The following CTLA4 variants were observed in gnomAD, a reference collection of about 807,000 sequenced individuals.
CTLA4 encodes the protein cytotoxic T-lymphocyte protein 4.
A neutral mutation model predicts 20.4 loss-of-function variants in CTLA4; 3 were observed. That is an observed-to-expected ratio of 0.15 (90% CI 0.07 to 0.38). The LOEUF is 0.38. Ranked by LOEUF, CTLA4 falls within the 10% of genes least tolerant of loss-of-function variation. The probability of loss-of-function intolerance (pLI) is 1.00; values close to 1 mark genes in which losing one functional copy is unlikely to be tolerated. For missense variants in CTLA4, 184 were observed against 276.8 expected (o/e 0.66, Z 2.38); for synonymous variants, 100 against 105.2 (o/e 0.95, Z 0.30).
chr2:203,869,991 C>T (rs1688698994), intron 1 of CTLA4, among the ~76,000 whole-genome samples: 1 of 152,116 alleles, frequency 6.6e-6, no homozygotes, highest in Admixed American at 6.5e-5. Flanking sequence ...TACAACAATG[C>T]CAGGGAAGGC....
In CTLA4 at chr2:203,870,896, C is replaced by T. The variant is rs1357409506; in HGVS notation, c.420C>T (p.Tyr140=). The T allele has an allele frequency of 3.7e-6, 6 of 1,614,030 alleles. No homozygotes were observed. Among genetic ancestry groups the T allele is most frequent in the Non-Finnish European group, 5.1e-6 (6 of 1,179,994 alleles). Residue 140 remains tyrosine, a synonymous_variant, in exon 2 of 4, where the codon TAC becomes TAT. Transcript: ENST00000648405. The surrounding 1 kb of genome is among the most constrained non-coding windows in gnomAD (Gnocchi z 5.3). ...AGCTCATGTACCCACCGCCATACTA[C>T]CTGGGCATAGGCAACGGAACCCAGA... ...KVELMYPPPY[Y]LGIGNGTQIY... is the part of the protein sequence containing the mutation.
chr2:203,870,772 A>G lies in CTLA4; in HGVS notation c.296A>G (p.Asp99Gly). The change falls in exon 2 of 4, where the codon GAT becomes GGT. Residue 99 changes from aspartate (D) to glycine (G), a missense_variant. Coordinates refer to ENST00000648405, the MANE Select transcript of CTLA4 (RefSeq NM_005214.5). The surrounding 1 kb of genome is among the most constrained non-coding windows in gnomAD (Gnocchi z 5.3). ...YMMGNELTFL[D>G]DSICTGTSSG... is the part of the protein sequence containing the mutation. ...ATGGGGAATGAGTTGACCTTCCTAG[A>G]TGATTCCATCTGCACGGGCACCTCC... The G allele has an allele frequency of 1.2e-6, 2 of 1,614,188 alleles. No homozygotes were observed. Among genetic ancestry groups the G allele is most frequent in the Non-Finnish European group, 1.7e-6 (2 of 1,180,034 alleles).
At position 203,870,957 on chromosome 2, in the gene CTLA4, T is replaced by C. The variant is rs41265959; in HGVS notation, c.457+24T>C. The C allele has an allele frequency of 8.0e-4, 1,263 of 1,574,164 alleles. 2 individuals are homozygous for C. Among genetic ancestry groups the C allele is most frequent in the Non-Finnish European group, 1.1e-3 (1,220 of 1,147,532 alleles). On this transcript the variant is annotated intron_variant, in intron 2 of 3. Coordinates refer to ENST00000648405, the MANE Select transcript of CTLA4 (RefSeq NM_005214.5). The surrounding 1 kb of genome is among the most constrained non-coding windows in gnomAD (Gnocchi z 5.3). ...TGGTGAGCAAAGCCATTTCACTGAG[T>C]TGACACCTGTTGCATTGCAGTCTTC...
rs1688660153 is a variant in CTLA4, at chr2:203,868,021, T to C, written c.79T>C (p.Phe27Leu). ...TRTWPCTLLF[F>L]LLFIPVFCKA... ...GACCTGGCCCTGCACTCTCCTGTTTTTTCTTCTCTTCATCCCTGTCTTCTG... is the reference window on the plus strand; with the variant it reads ...GACCTGGCCCTGCACTCTCCTGTTTCTTCTTCTCTTCATCCCTGTCTTCTG... The change falls in exon 1 of 4, where the codon TTT becomes CTT. Residue 27 changes from phenylalanine (F) to leucine (L), a missense_variant. By Grantham distance (22) the Phe-to-Leu change is conservative. Around this residue, in one of 3 missense-constraint regions of CTLA4, gnomAD observed 35 missense variants for 36.6 expected, o/e 0.96. Coordinates refer to ENST00000648405, the MANE Select transcript of CTLA4 (RefSeq NM_005214.5). 6 of 1,614,038 alleles carry C rather than the reference T, an allele frequency of 3.7e-6. No individual in the cohort carries two copies. Among genetic ancestry groups the C allele is most frequent in the Non-Finnish European group, 5.1e-6 (6 of 1,179,872 alleles).
chr2:203,873,186 C>T lies in CTLA4; in HGVS notation c.*374C>T, dbSNP rs898797367. The T allele has an allele frequency of 6.9e-5, 28 of 402,988 alleles. No homozygotes were observed. The highest frequency in any genetic ancestry group is 6.3e-4 in the Middle Eastern group (1 of 1,598). 25.0% of individuals were successfully genotyped at this position (402,988 alleles called of 1,614,324 possible). A position where few individuals can be genotyped will look rare whatever the true frequency, so the allele number is the denominator to read the frequency against. Reference sequence around the variant, plus strand: ...ACACACCTTATATTTACGTATGAGACGTTTATAGCCGAAATGATCTTTTCA... The same window carrying T: ...ACACACCTTATATTTACGTATGAGATGTTTATAGCCGAAATGATCTTTTCA... On this transcript the variant is annotated 3_prime_UTR_variant, in exon 4 of 4. Coordinates refer to ENST00000648405, the MANE Select transcript of CTLA4 (RefSeq NM_005214.5).
chr2:203,867,895 A>G lies in CTLA4; in HGVS notation c.-48A>G. The G allele has an allele frequency of 1.5e-6, 2 of 1,376,998 alleles. No homozygotes were observed. Among genetic ancestry groups the G allele is most frequent in the South Asian group, 1.2e-5 (1 of 85,380 alleles). 85.3% of individuals were successfully genotyped at this position (1,376,998 alleles called of 1,614,324 possible). ...CATTTCAAAGCTTCAGGATCCTGAA[A>G]GGTTTTGCTCTACTTCCTGAAGACC... On this transcript the variant is annotated 5_prime_UTR_variant, in exon 1 of 4. Transcript: ENST00000648405.
At position 203,867,832 on chromosome 2, in the gene CTLA4, A is replaced by C. The variant is rs1381878268; in HGVS notation, c.-111A>C. The C allele has an allele frequency of 3.0e-6, 2 of 672,308 alleles. No individual in the cohort carries two copies. The highest frequency in any genetic ancestry group is 2.6e-6 in the Non-Finnish European group (1 of 385,124). The allele number at this position is 672,308 out of a possible 1,614,324, so 41.6% of individuals were successfully genotyped here. On this transcript the variant is annotated 5_prime_UTR_variant, in exon 1 of 4. Coordinates refer to ENST00000648405, the MANE Select transcript of CTLA4 (RefSeq NM_005214.5). The stretch of plus-strand genomic sequence containing the variant: ...GTAATACATATCTGGGATCAAAGCT[A>C]TCTATATAAAGTCCTTGATTCTGTG...
chr2:203,870,779 C>T lies in CTLA4; in HGVS notation c.303C>T (p.Ser101=). Residue 101 remains serine, a synonymous_variant, in exon 2 of 4, where the codon TCC becomes TCT. Coordinates refer to ENST00000648405, the MANE Select transcript of CTLA4 (RefSeq NM_005214.5). This position sits in a 1 kb window ranked among gnomAD's most constrained non-coding sequence, Gnocchi z 5.3. Reference sequence around the variant, plus strand: ...ATGAGTTGACCTTCCTAGATGATTCCATCTGCACGGGCACCTCCAGTGGAA... The same window carrying T: ...ATGAGTTGACCTTCCTAGATGATTCTATCTGCACGGGCACCTCCAGTGGAA... ...MGNELTFLDD[S]ICTGTSSGNQ... 6.2e-7 allele frequency: 1 copy of T among 1,614,138 alleles called. No individual in the cohort carries two copies. The highest frequency in any genetic ancestry group is 8.5e-7 in the Non-Finnish European group (1 of 1,180,036).
At chr2:203,871,325 G>T (rs1201862502) in intron 2 of CTLA4, 53 bp from the exon 3 acceptor site, 1 of 1,468,932 alleles carries the variant, frequency 6.8e-7, no homozygotes, top group East Asian at 2.3e-5. Context: ...GGGGAGTAGA[G>T]CCCTAGAGTT....
chr2:203,871,701 A>G (rs1688737051), intron 3 of CTLA4, among the ~76,000 whole-genome samples: 1 of 152,208 alleles, frequency 6.6e-6, no homozygotes, highest in South Asian at 2.1e-4. Context: ...TTGACATTGA[A>G]TGTTCATGTG....
chr2:203,870,660 T>C lies in CTLA4; in HGVS notation c.184T>C (p.Ser62Pro). Residue 62 changes from serine to proline, a missense_variant, in exon 2 of 4, where the codon TCT becomes CCT. Around this residue, in one of 3 missense-constraint regions of CTLA4, gnomAD observed 147 missense variants for 223.4 expected, o/e 0.66. Transcript: ENST00000648405. This position sits in a 1 kb window ranked among gnomAD's most constrained non-coding sequence, Gnocchi z 5.3. ...GIASFVCEYA[S>P]PGKATEVRVT... ...CGCCAGCTTTGTGTGTGAGTATGCA[T>C]CTCCAGGCAAAGCCACTGAGGTCCG... The C allele has an allele frequency of 6.2e-7, 1 of 1,614,132 alleles. No individual in the cohort carries two copies. Among genetic ancestry groups the C allele is most frequent in the Non-Finnish European group, 8.5e-7 (1 of 1,180,022 alleles).
intron 3 of CTLA4, 124 bp downstream of exon 3, chr2:203,871,611 G>T: frequency 1.3e-6 from 1 of 794,264 alleles, no homozygotes; most frequent in Non-Finnish European, 2.2e-6. Context: ...GAAGAGGAAG[G>T]ACAGTGGTAA....
chr2:203,871,953 G>A (rs1688742155), intron 3 of CTLA4, among the ~76,000 whole-genome samples: 1 of 152,198 alleles, frequency 6.6e-6, no homozygotes, highest in Admixed American at 6.5e-5. Flanking sequence ...AGCTGTAGCT[G>A]CTCACATGAC....
rs1221748361 is a variant in CTLA4 at position 203,870,657 on chromosome 2, G to A, written c.181G>A (p.Ala61Thr). 5.0e-6 allele frequency: 8 copies of A among 1,614,230 alleles called. No individual in the cohort carries two copies. The highest frequency in any genetic ancestry group is 5.1e-6 in the Non-Finnish European group (6 of 1,180,032). ...CATCGCCAGCTTTGTGTGTGAGTAT[G>A]CATCTCCAGGCAAAGCCACTGAGGT... ...RGIASFVCEY[A>T]SPGKATEVRV... Residue 61 changes from alanine to threonine, a missense_variant, in exon 2 of 4, where the codon GCA (alanine) becomes ACA (threonine). Coordinates refer to ENST00000648405, the MANE Select transcript of CTLA4 (RefSeq NM_005214.5). This position sits in a 1 kb window ranked among gnomAD's most constrained non-coding sequence, Gnocchi z 5.3.
chr2:203,870,429 A>C lies in CTLA4; in HGVS notation c.110-157A>C. On this transcript the variant is annotated intron_variant, in intron 1 of 3. Transcript: ENST00000648405. This position sits in a 1 kb window ranked among gnomAD's most constrained non-coding sequence, Gnocchi z 5.3. ...GGAAAACAGTTGAGAGATGGAGGGG[A>C]GGCTGGGGGTGTGGAGAGGGGAAGG... 1 of 528,410 alleles carries C rather than the reference A, an allele frequency of 1.9e-6. No individual in the cohort carries two copies. The highest frequency in any genetic ancestry group is 3.0e-6 in the Non-Finnish European group (1 of 328,080). The allele number at this position is 528,410 out of a possible 1,614,324, so 32.7% of individuals were successfully genotyped here. A position where few individuals can be genotyped will look rare whatever the true frequency, so the allele number is the denominator to read the frequency against.
At chr2:203,871,304 TCACCAA>T in intron 2 of CTLA4, 68 bp from the exon 3 acceptor site, 3 of 1,324,360 alleles carry the variant, frequency 2.3e-6, no homozygotes, top group South Asian at 1.2e-5. Flanking sequence ...TGTCCTTTTT[TCACCAA>T]TGTTGGGGAG....
At position 203,870,958 on chromosome 2, in the gene CTLA4, T is replaced by C. The variant is rs763121200; in HGVS notation, c.457+25T>C. ...GGTGAGCAAAGCCATTTCACTGAGT[T>C]GACACCTGTTGCATTGCAGTCTTCT... On this transcript the variant is annotated intron_variant, in intron 2 of 3. Transcript: ENST00000648405. This position sits in a 1 kb window ranked among gnomAD's most constrained non-coding sequence, Gnocchi z 5.3. 4 of 1,573,818 alleles carry C rather than the reference T, an allele frequency of 2.5e-6. No homozygotes were observed. Among genetic ancestry groups the C allele is most frequent in the Non-Finnish European group, 3.5e-6 (4 of 1,147,184 alleles).
chr2:203,871,605 AG>A lies in CTLA4; in HGVS notation c.567+120del, dbSNP rs1382461349. Reference sequence around the variant, plus strand: ...AGATGAGATGAGGCAATAAATGAAGAGGAAGGACAGTGGTAAAGAACGCACT... The same window carrying A: ...AGATGAGATGAGGCAATAAATGAAGAGAAGGACAGTGGTAAAGAACGCACT... On this transcript the variant is annotated intron_variant, in intron 3 of 3. Coordinates refer to ENST00000648405, the MANE Select transcript of CTLA4 (RefSeq NM_005214.5). The A allele has an allele frequency of 1.2e-5, 10 of 818,686 alleles. 1 individual carries two copies. The Admixed American group carries it at 1.9e-4, about 16-fold the overall frequency. 50.7% of individuals were successfully genotyped at this position (818,686 alleles called of 1,614,324 possible). A position where few individuals can be genotyped will look rare whatever the true frequency, so the allele number is the denominator to read the frequency against.
intron 1 of CTLA4, among the ~76,000 whole-genome samples, chr2:203,869,769 C>T (rs1036745968): frequency 1.3e-5 from 2 of 152,220 alleles, no homozygotes; most frequent in Admixed American, 6.5e-5. Flanking sequence ...GCAAGCCTCT[C>T]TGTATGGAGA....
Sources: gnomAD v4.1 joint callset for allele counts (sites outside exome capture counted in the v4.1 genomes callset) on GRCh38, gnomAD v4.1.1 for gene constraint, gnomAD v4.1.1 regional missense constraint, Gnocchi (gnomAD v3.1) non-coding constraint, MANE v1.5 for transcripts, NCBI Gene and HGNC (gene_info 2026-07-23, HGNC 2026-07-21) for gene names.